Variants in KLHL21 observed in about 807,000 individuals in gnomAD.
KLHL21 encodes kelch-like protein 21.
In KLHL21, 42 loss-of-function variants were observed where a neutral mutation model predicts 44.1. The observed-to-expected ratio is 0.95, with a 90% CI of 0.74 to 1.23. The LOEUF is 1.23. KLHL21 is among the 50% of genes most tolerant of loss of function. The probability of loss-of-function intolerance (pLI) is 0.00; values close to 1 mark genes in which losing one functional copy is unlikely to be tolerated. For missense variants in KLHL21, 918 were observed against 889.1 expected (o/e 1.03, Z -0.41); for synonymous variants, 524 against 411.6 (o/e 1.27, Z -3.31).
At position 6,593,362 on chromosome 1, in the gene KLHL21, G is replaced by C; in HGVS notation, c.*3C>G. ...CCGAGGCCCGTGCCGGGCCAGACTG[G>C]GGCTAGTGCAGCTCATCGGGGTCCC... On this transcript the variant is annotated 3_prime_UTR_variant, in exon 4 of 4. Transcript: ENST00000377658. 6.3e-7 allele frequency: 1 copy of C among 1,576,102 alleles called. No individual in the cohort carries two copies.
chr1:6,593,465 T>TG lies in KLHL21; in HGVS notation c.1693dup (p.Gln565ProfsTer17). ...GAAGCCACGCCCACCCGAGAAGGTC[T>TG]GGGGCATGAACTGGCGGAAGATGCT... On this transcript the variant is annotated frameshift_variant, in exon 4 of 4. Coordinates refer to ENST00000377658, the MANE Select transcript of KLHL21 (RefSeq NM_014851.4). LOFTEE classifies it low-confidence loss of function (END_TRUNC). The TG allele has an allele frequency of 6.2e-7, 1 of 1,613,460 alleles. No homozygotes were observed. The highest frequency in any genetic ancestry group is 8.5e-7 in the Non-Finnish European group (1 of 1,179,930).
chr1:6,599,236 T>C lies in KLHL21; in HGVS notation c.1238A>G (p.Asp413Gly). The change falls in exon 2 of 4, where the codon GAC becomes GGC. Residue 413 changes from aspartate to glycine, a missense_variant. Physicochemically the swap from Asp to Gly is moderately conservative, Grantham distance 94. Transcript: ENST00000377658. Reference protein sequence around the residue: ...EALQPMTYPMDNCSTTACRGR... With the variant: ...EALQPMTYPMGNCSTTACRGR... ...ACGGCACGCAGTGGTGGAGCAGTTG[T>C]CCATGGGGTAGGTCATGGGCTGCAG... 1 of 1,614,034 alleles carries C rather than the reference T, an allele frequency of 6.2e-7. No homozygotes were observed. Among genetic ancestry groups the C allele is most frequent in the Non-Finnish European group, 8.5e-7 (1 of 1,180,004 alleles).
rs191877301 is a variant in KLHL21, at chr1:6,598,296, G to A, written c.1427+751C>T. On this transcript the variant is annotated intron_variant, in intron 2 of 3. Coordinates refer to ENST00000377658, the MANE Select transcript of KLHL21 (RefSeq NM_014851.4). ...CAAAAAGTTAAAAAATGAGCCAGGT[G>A]TGGTGGCTTGTGCCTATAATCCCAG... 5.3e-5 allele frequency among the ~76,000 whole-genome samples: 8 copies of A among 152,324 alleles called. No individual in the cohort carries two copies. The East Asian group carries it at 1.5e-3, about 29-fold the overall frequency.
intron 1 of KLHL21, 73 bp downstream of exon 1, chr1:6,601,724 C>T: frequency 6.8e-7 from 1 of 1,467,026 alleles, no homozygotes; most frequent in Non-Finnish European, 9.1e-7. Context: ...GTGCGCTTCC[C>T]CCGCGAATAG....
rs759551302 is a variant in KLHL21 at position 6,599,447 on chromosome 1, A to C, written c.1027T>G (p.Ser343Ala). The C allele has an allele frequency of 6.2e-7, 1 of 1,600,192 alleles. No homozygotes were observed. The change falls in exon 2 of 4, where the codon TCC (serine) becomes GCC (alanine). Residue 343 changes from serine (S) to alanine (A), a missense_variant. By Grantham distance (99) the Ser-to-Ala change is moderately conservative. Transcript: ENST00000377658. ...CAGTCATAGAGCCGGGAGCCATCGG[A>C]CCCACCTGCCAGGACGCATGACAGG... is the stretch of plus-strand genomic sequence containing the variant. ...LGNDIYVTGG[S>A]DGSRLYDCVW... is the part of the protein sequence containing the mutation.
In KLHL21 at chr1:6,602,667, G is replaced by C. The variant is rs1641052579; in HGVS notation, c.151C>G (p.Arg51Gly). ...GGGCTGGCGGCGGCCAGCACCGCACGGTGCGCCGGGAAGTCGCGCCCGCCC... is the reference window on the plus strand; with the variant it reads ...GGGCTGGCGGCGGCCAGCACCGCACCGTGCGCCGGGAAGTCGCGCCCGCCC... ...AAGGRDFPAH[R>G]AVLAAASPYF... Residue 51 changes from arginine to glycine, a missense_variant, in exon 1 of 4, where the codon CGT becomes GGT. Coordinates refer to ENST00000377658, the MANE Select transcript of KLHL21 (RefSeq NM_014851.4). 3.3e-6 allele frequency: 5 copies of C among 1,511,300 alleles called. No individual in the cohort carries two copies. The highest frequency in any genetic ancestry group is 1.4e-5 in the African/African-American group (1 of 69,422). 93.6% of individuals were successfully genotyped at this position (1,511,300 alleles called of 1,614,324 possible).
chr1:6,592,503 G>A lies in KLHL21; in HGVS notation c.*862C>T, dbSNP rs1640864283. On this transcript the variant is annotated 3_prime_UTR_variant, in exon 4 of 4. Transcript: ENST00000377658. ...CACTTCTTCTAAGGTCAAACTGCAA[G>A]CATTTTCAACTTTGGAACCAACCAC... 6.6e-6 allele frequency: 1 copy of A among 152,292 alleles called. No homozygotes were observed. Among genetic ancestry groups the A allele is most frequent in the South Asian group, 2.1e-4 (1 of 4,836 alleles). The allele number at this position is 152,292 out of a possible 1,614,324, so 9.4% of individuals were successfully genotyped here. A position where few individuals can be genotyped will look rare whatever the true frequency, so the allele number is the denominator to read the frequency against.
In KLHL21 at chr1:6,599,297, C is replaced by T. The variant is rs769605366; in HGVS notation, c.1177G>A (p.Glu393Lys). The T allele has an allele frequency of 5.0e-6, 8 of 1,613,920 alleles. No individual in the cohort carries two copies. The highest frequency in any genetic ancestry group is 1.7e-5 in the Admixed American group (1 of 60,018). ...GAGTCAGTGGTGTGGTCATAGCGCT[C>T]GGTGCTGTCGGCGGCCACCACGTAC... The part of the protein sequence containing the change: ...LLYVVAADST[E>K]RYDHTTDSWE... Residue 393 changes from glutamate to lysine, a missense_variant, in exon 2 of 4, where the codon GAG (glutamate) becomes AAG (lysine). Glu to Lys is a moderately conservative substitution (Grantham distance 56). Transcript: ENST00000377658.
chr1:6,599,565 C>A (rs1389879980), intron 1 of KLHL21, 113 bp from the exon 2 acceptor site: 2 of 1,146,004 alleles, frequency 1.7e-6, no homozygotes, highest in Non-Finnish European at 2.4e-6. Context: ...CATCACTGGG[C>A]TTCACCCCAG....
In KLHL21 at chr1:6,594,094, T is replaced by C. The variant is rs1282359361; in HGVS notation, c.1501-436A>G. Reference sequence around the variant, plus strand: ...CCTTCCATCTTTCCCAAATTCGCTATGACTATGTGCAGCTTACTGCGGGGA... The same window carrying C: ...CCTTCCATCTTTCCCAAATTCGCTACGACTATGTGCAGCTTACTGCGGGGA... On this transcript the variant is annotated intron_variant, in intron 3 of 3. Transcript: ENST00000377658. 8.0e-6 allele frequency: 8 copies of C among 1,000,286 alleles called. No individual in the cohort carries two copies. The Admixed American group carries it at 3.5e-4, about 44-fold the overall frequency. 62.0% of individuals were successfully genotyped at this position (1,000,286 alleles called of 1,614,324 possible). A position where few individuals can be genotyped will look rare whatever the true frequency, so the allele number is the denominator to read the frequency against.
intron 2 of KLHL21, among the ~76,000 whole-genome samples, chr1:6,597,851 G>A (rs887037226): frequency 2.0e-5 from 3 of 152,258 alleles, no homozygotes; most frequent in Admixed American, 2.0e-4. Flanking sequence ...CTGGGAGGGA[G>A]CAGCAGGATT....
chr1:6,594,915 C>G (rs1284679007), intron 3 of KLHL21: 1 of 158,050 alleles, frequency 6.3e-6, no homozygotes. Flanking sequence ...AAAAAAATTA[C>G]TGGGTGTGGT....
chr1:6,602,810 C>A lies in KLHL21; in HGVS notation c.8G>T (p.Arg3Leu). 7.0e-7 allele frequency: 1 copy of A among 1,438,612 alleles called. No homozygotes were observed. The highest frequency in any genetic ancestry group is 1.4e-5 in the South Asian group (1 of 71,502). 89.1% of individuals were successfully genotyped at this position (1,438,612 alleles called of 1,614,324 possible). Reference sequence around the variant, plus strand: ...GGGAAGCACGGCCAGGGGCGCCGGTCGCTCCATGGCGCCTTCGATAGGTTG... The same window carrying A: ...GGGAAGCACGGCCAGGGGCGCCGGTAGCTCCATGGCGCCTTCGATAGGTTG... The part of the protein sequence containing the change: ME[R>L]PAPLAVLPFS... Residue 3 changes from arginine (R) to leucine (L), a missense_variant, in exon 1 of 4, where the codon CGA (arginine) becomes CTA (leucine). Coordinates refer to ENST00000377658, the MANE Select transcript of KLHL21 (RefSeq NM_014851.4).
intron 3 of KLHL21, chr1:6,594,999 A>C (rs143011013): frequency 0.012 from 2,401 of 207,918 alleles, 18 homozygotes; most frequent in Middle Eastern, 0.022. Flanking sequence ...TGGAGGCTGC[A>C]GTGAGCCATG....
chr1:6,594,266 C>G (rs972743550), intron 3 of KLHL21: 2 of 176,092 alleles, frequency 1.1e-5, no homozygotes, highest in Non-Finnish European at 2.2e-5. Context: ...CTCAGACTAA[C>G]ACTGCTCACA....
chr1:6,600,307 A>G (rs1640997841), intron 1 of KLHL21, among the ~76,000 whole-genome samples: 1 of 152,164 alleles, frequency 6.6e-6, no homozygotes. Flanking sequence ...TGATATCCCA[A>G]AGTGCTGGGA....
At chr1:6,600,044 GTAT>G (rs369256086) in intron 1 of KLHL21, among the ~76,000 whole-genome samples, 5 of 151,968 alleles carry the variant, frequency 3.3e-5, no homozygotes, top group East Asian at 1.9e-4. Flanking sequence ...TCTTCTGCCT[GTAT>G]TATTATTATT....
chr1:6,595,995 C>T (rs1640922847), intron 2 of KLHL21, among the ~76,000 whole-genome samples: 1 of 152,214 alleles, frequency 6.6e-6, no homozygotes, highest in African/African-American at 2.4e-5. Flanking sequence ...CCAACCCTGT[C>T]CTGTTCACTA....
rs1288982337 is a variant in KLHL21, at chr1:6,602,844, G to A, written c.-27C>T. On this transcript the variant is annotated 5_prime_UTR_variant, in exon 1 of 4. Transcript: ENST00000377658. Reference sequence around the variant, plus strand: ...GCGCCTTCGATAGGTTGTCGAGGACGCCGCGGCCGGGGCCTGCGGAGAGAC... The same window carrying A: ...GCGCCTTCGATAGGTTGTCGAGGACACCGCGGCCGGGGCCTGCGGAGAGAC... 13 of 1,400,744 alleles carry A rather than the reference G, an allele frequency of 9.3e-6. No individual in the cohort carries two copies. The highest frequency in any genetic ancestry group is 6.0e-5 in the East Asian group (2 of 33,374). 86.8% of individuals were successfully genotyped at this position (1,400,744 alleles called of 1,614,324 possible).
Sources: allele counts gnomAD v4.1 joint callset (sites outside exome capture counted in the v4.1 genomes callset), GRCh38; gene constraint gnomAD v4.1.1; transcripts MANE v1.5; gene names NCBI Gene and HGNC (gene_info 2026-07-23, HGNC 2026-07-21).